The following PCDH11X variants were observed in gnomAD, a reference collection of about 807,000 sequenced individuals.
PCDH11X encodes protocadherin 11 X-linked.
A neutral mutation model predicts 53.3 loss-of-function variants in PCDH11X; 18 were observed. The ratio of observed to expected loss-of-function variants is 0.34; its 90% CI spans 0.23 to 0.50. The LOEUF (loss-of-function observed/expected upper bound fraction) is 0.50, where lower values mean the gene tolerates loss of function less well. Among genes scored for constraint, PCDH11X ranks in the 20% least tolerant of loss-of-function variants. PCDH11X has a pLI of 0.98. For synonymous variants in PCDH11X, 279 were observed against 393.3 expected, an observed-to-expected ratio of 0.71 and a Z score of 3.44; for missense variants, 570 against 1,032.4, an observed-to-expected ratio of 0.55 and a Z score of 6.14.
rs1184376722 is a variant in PCDH11X at position 91,999,280 on chromosome X, A to C, written c.3033+120007A>C. On this transcript the variant is annotated intron_variant, in intron 6 of 10. Transcript: ENST00000682573. ...TCAGTTAACTGGTATGTTGGCAACAAATTTATTTTGATTAATGGGTTTTCC... is the reference window on the plus strand; with the variant it reads ...TCAGTTAACTGGTATGTTGGCAACACATTTATTTTGATTAATGGGTTTTCC... Among the ~76,000 whole-genome samples the C allele has an allele frequency of 5.4e-5, 6 of 111,556 alleles. No individual in the cohort carries two copies. In the South Asian group the frequency reaches 1.5e-3, roughly 28 times the overall value.
At chrX:92,029,932 A>C (rs1300351455) in intron 6 of PCDH11X, among the ~76,000 whole-genome samples, 1 of 112,408 alleles carries the variant, frequency 8.9e-6, no homozygotes, top group East Asian at 2.8e-4. Context: ...GCAAAGAGAA[A>C]CAATAAGTAG....
chrX:91,973,532 T>A (rs1333670831), intron 6 of PCDH11X, among the ~76,000 whole-genome samples: 2 of 107,856 alleles, frequency 1.9e-5, no homozygotes, highest in Non-Finnish European at 3.8e-5. Context: ...TGTGAGCTAA[T>A]GTGTGTTAAA....
At chrX:92,031,577 T>A (rs1308740331) in intron 6 of PCDH11X, among the ~76,000 whole-genome samples, 1 of 111,888 alleles carries the variant, frequency 8.9e-6, no homozygotes, top group African/African-American at 3.3e-5. Context: ...TCCTGGAGCA[T>A]ATCTCCAATG....
chrX:92,006,499 T>G (rs2093284476), intron 6 of PCDH11X, among the ~76,000 whole-genome samples: 2 of 110,644 alleles, frequency 1.8e-5, no homozygotes, highest in African/African-American at 6.6e-5. Flanking sequence ...CAGATAGAAT[T>G]CTAAATTCCT....
rs1266896644 is a variant in PCDH11X at position 91,792,029 on chromosome X, C to T, written c.-379+12345C>T. Among the ~76,000 whole-genome samples, 15 of 108,558 alleles carry T rather than the reference C, an allele frequency of 1.4e-4. No individual in the cohort carries two copies. In the East Asian group the frequency reaches 3.2e-3, roughly 23 times the overall value. The allele number at this position is 108,558 out of a possible 115,157, so 94.3% of individuals were successfully genotyped here. A position where few individuals can be genotyped will look rare whatever the true frequency, so the allele number is the denominator to read the frequency against. ...GGCGCCCGCCACCGCGCCTGGCTAA[C>T]TTTTTGTATTTTTAGTAGAGAGGGG... On this transcript the variant is annotated intron_variant, in intron 1 of 10. Coordinates refer to ENST00000682573, the MANE Select transcript of PCDH11X (RefSeq NM_032968.5).
At chrX:91,945,270 T>C (rs1269528532) in intron 6 of PCDH11X, among the ~76,000 whole-genome samples, 5 of 103,385 alleles carry the variant, frequency 4.8e-5, no homozygotes, top group East Asian at 3.1e-4. Flanking sequence ...TTCAACCTTA[T>C]CTCTAAAATA....
chrX:92,385,178 T>C (rs1332416638), intron 8 of PCDH11X, among the ~76,000 whole-genome samples: 1 of 90,998 alleles, frequency 1.1e-5, no homozygotes, highest in East Asian at 3.2e-4. Flanking sequence ...GTATTGATGA[T>C]TATTTCAGTA....
At chrX:91,887,086 A>G (rs1940262642) in intron 6 of PCDH11X, among the ~76,000 whole-genome samples, 1 of 109,216 alleles carries the variant, frequency 9.2e-6, no homozygotes, top group East Asian at 2.9e-4. Context: ...TTTCACCATG[A>G]AATACTAACT....
At chrX:91,940,558 T>A (rs1289925560) in intron 6 of PCDH11X, among the ~76,000 whole-genome samples, 2 of 110,781 alleles carry the variant, frequency 1.8e-5, no homozygotes, top group Non-Finnish European at 3.8e-5. Flanking sequence ...GAAAACAGGA[T>A]CTCACTCTGT....
rs776279311 is a variant in PCDH11X at position 92,314,363 on chromosome X, A to G, written c.3144+51220A>G. On this transcript the variant is annotated intron_variant, in intron 8 of 10. Coordinates refer to ENST00000682573, the MANE Select transcript of PCDH11X (RefSeq NM_032968.5). Reference sequence around the variant, plus strand: ...AGGCAATAGTATGCATGAAGCTGTCATCTCTTATGATAACAATGCCGTCTT... The same window carrying G: ...AGGCAATAGTATGCATGAAGCTGTCGTCTCTTATGATAACAATGCCGTCTT... Among the ~76,000 whole-genome samples the G allele has an allele frequency of 2.7e-5, 3 of 111,432 alleles. No homozygotes were observed. In the South Asian group the frequency reaches 1.1e-3, roughly 42 times the overall value.
chrX:92,004,768 CTT>C lies in PCDH11X; in HGVS notation c.3033+125519_3033+125520del, dbSNP rs1171124073. 4.0e-3 allele frequency among the ~76,000 whole-genome samples: 228 copies of C among 57,064 alleles called. 1 individual carries two copies. Among genetic ancestry groups the C allele is most frequent in the African/African-American group, 0.016 (195 of 11,930 alleles). The allele number at this position is 57,064 out of a possible 115,157, so 49.6% of individuals were successfully genotyped here. A position where few individuals can be genotyped will look rare whatever the true frequency, so the allele number is the denominator to read the frequency against. ...CCTTTAATTTTCAGTCTATGTGTGC[CTT>C]TTTTTTTTTTTTTTTTTTTTTTTGA... On this transcript the variant is annotated intron_variant, in intron 6 of 10. Coordinates refer to ENST00000682573, the MANE Select transcript of PCDH11X (RefSeq NM_032968.5).
At chrX:91,841,626 C>A (rs1937522228) in intron 5 of PCDH11X, among the ~76,000 whole-genome samples, 1 of 110,892 alleles carries the variant, frequency 9.0e-6, no homozygotes, top group Non-Finnish European at 1.9e-5. Context: ...TTTTATAAGA[C>A]AAAATTAATT....
chrX:91,786,583 AT>A (rs1935341835), intron 1 of PCDH11X, among the ~76,000 whole-genome samples: 1 of 89,521 alleles, frequency 1.1e-5, no homozygotes, highest in South Asian at 6.2e-4. Context: ...CTTTATTTTG[AT>A]TCATTCTTTA....
At chrX:91,819,896 C>T (rs1197704448) in intron 4 of PCDH11X, among the ~76,000 whole-genome samples, 1 of 97,507 alleles carries the variant, frequency 1.0e-5, no homozygotes, top group Non-Finnish European at 2.0e-5. Flanking sequence ...TGTTCAGTTC[C>T]CACCTATGAG....
intron 6 of PCDH11X, among the ~76,000 whole-genome samples, chrX:92,189,057 AT>A (rs1391563127): frequency 2.7e-5 from 3 of 111,176 alleles, no homozygotes; most frequent in African/African-American, 9.8e-5. Context: ...TAATATATAC[AT>A]TTTTTCAACT....
intron 5 of PCDH11X, among the ~76,000 whole-genome samples, chrX:91,874,016 C>T (rs1270706805): frequency 9.0e-6 from 1 of 111,039 alleles, no homozygotes; most frequent in Admixed American, 9.6e-5. Context: ...TTACTCACCA[C>T]CATGACCTTG....
chrX:92,009,138 C>T (rs1463416373), intron 6 of PCDH11X, among the ~76,000 whole-genome samples: 1 of 112,037 alleles, frequency 8.9e-6, no homozygotes, highest in Non-Finnish European at 1.9e-5. Flanking sequence ...TTTGAAATAT[C>T]TAAGTTTATT....
At chrX:92,568,888 G>A (rs1324817373) in intron 10 of PCDH11X, among the ~76,000 whole-genome samples, 1 of 111,300 alleles carries the variant, frequency 9.0e-6, no homozygotes, top group Non-Finnish European at 1.9e-5. Flanking sequence ...CCAGTCTGAA[G>A]CAATGTAAAA....
intron 4 of PCDH11X, among the ~76,000 whole-genome samples, chrX:91,812,442 A>G (rs1569390924): frequency 9.0e-6 from 1 of 110,799 alleles, no homozygotes; most frequent in Non-Finnish European, 1.9e-5. Context: ...GATCCAGTAA[A>G]TCTTCCCATC....
Sources: allele counts gnomAD v4.1 joint callset (sites outside exome capture counted in the v4.1 genomes callset), GRCh38; gene constraint gnomAD v4.1.1; transcripts MANE v1.5; gene names NCBI Gene and HGNC (gene_info 2026-07-23, HGNC 2026-07-21).